ROBO1: variants seen among roughly 807,000 people sequenced by gnomAD.
ROBO1 encodes the protein roundabout guidance receptor 1.
In ROBO1, 149 loss-of-function variants were observed where a neutral mutation model predicts 195.9. The ratio of observed to expected loss-of-function variants is 0.76; its 90% CI spans 0.67 to 0.87. The LOEUF is 0.87. Ranked by LOEUF, ROBO1 falls within the 40% of genes least tolerant of loss-of-function variation. The pLI is 0.00. For synonymous variants in ROBO1, 816 were observed against 733.2 expected, an observed-to-expected ratio of 1.11 and a Z score of -1.82; for missense variants, 1,933 against 2,068.3, an observed-to-expected ratio of 0.93 and a Z score of 1.27.
chr3:79,645,863 C>T (rs1945806866), intron 1 of ROBO1, among the ~76,000 whole-genome samples: 1 of 152,006 alleles, frequency 6.6e-6, no homozygotes, highest in African/African-American at 2.4e-5. Context: ...CAAGAACATA[C>T]AATGTATAAC....
chr3:79,177,461 C>T (rs1019551494), intron 2 of ROBO1, among the ~76,000 whole-genome samples: 1 of 152,148 alleles, frequency 6.6e-6, no homozygotes, highest in Non-Finnish European at 1.5e-5. Flanking sequence ...TGGGCGGACC[C>T]TCCTACCCCA....
intron 3 of ROBO1, chr3:79,018,687 C>A: frequency 1.5e-6 from 2 of 1,358,738 alleles, no homozygotes; most frequent in Non-Finnish European, 1.9e-6. Flanking sequence ...TTCTCCGGCC[C>A]CAGGATTTCC....
chr3:78,885,940 T>TATATATATATATATATATATATATAC (rs1043908565), intron 4 of ROBO1, among the ~76,000 whole-genome samples: 1 of 140,808 alleles, frequency 7.1e-6, no homozygotes, highest in Non-Finnish European at 1.5e-5. Flanking sequence ...TATATATATA[T>TATATATATATATATATATATATATAC]ACATACATAT....
chr3:79,540,296 T>G (rs902159869), intron 2 of ROBO1, among the ~76,000 whole-genome samples: 16 of 152,116 alleles, frequency 1.1e-4, no homozygotes, highest in African/African-American at 3.9e-4. Flanking sequence ...TCACCAATTA[T>G]GAGTTCAAAA....
At chr3:78,688,927 A>C (rs2081110501) in intron 8 of ROBO1, 155 bp from the exon 9 acceptor site, 1 of 745,722 alleles carries the variant, frequency 1.3e-6, no homozygotes, top group Non-Finnish European at 1.9e-6. Context: ...ATTTGAAACT[A>C]AAATGTTAAG....
intron 3 of ROBO1, among the ~76,000 whole-genome samples, chr3:79,045,714 C>T (rs2078578204): frequency 6.6e-6 from 1 of 151,984 alleles, no homozygotes; most frequent in South Asian, 2.1e-4. Flanking sequence ...AACAAACCAA[C>T]AATTTTATAT....
chr3:79,107,612 T>A (rs576986241), intron 3 of ROBO1, among the ~76,000 whole-genome samples: 1 of 151,824 alleles, frequency 6.6e-6, no homozygotes, highest in African/African-American at 2.4e-5. Context: ...CATATTAAAA[T>A]GTTGGGTGTT....
intron 1 of ROBO1, among the ~76,000 whole-genome samples, chr3:79,695,624 T>A (rs563738863): frequency 6.6e-6 from 1 of 151,410 alleles, no homozygotes; most frequent in South Asian, 2.1e-4. Flanking sequence ...AAAACTCCAG[T>A]GACCTAAAAA....
chr3:79,216,404 T>C (rs998692136), intron 2 of ROBO1, among the ~76,000 whole-genome samples: 10 of 152,204 alleles, frequency 6.6e-5, no homozygotes, highest in African/African-American at 2.4e-4. Flanking sequence ...ATTCTTGGAT[T>C]TTCATAAAAA....
At chr3:79,643,385 A>G (rs1053684571) in intron 1 of ROBO1, among the ~76,000 whole-genome samples, 1 of 152,144 alleles carries the variant, frequency 6.6e-6, no homozygotes, top group Non-Finnish European at 1.5e-5. Context: ...GTGTGAGTCA[A>G]TACTCCTTAA....
chr3:78,873,885 T>G (rs1355213461), intron 4 of ROBO1, among the ~76,000 whole-genome samples: 1 of 152,102 alleles, frequency 6.6e-6, no homozygotes, highest in Non-Finnish European at 1.5e-5. Context: ...GTTACTTTCA[T>G]TTCAGTTTTA....
At chr3:79,623,015 C>T (rs187845904) in intron 1 of ROBO1, among the ~76,000 whole-genome samples, 50 of 152,160 alleles carry the variant, frequency 3.3e-4, no homozygotes, top group East Asian at 1.2e-3. Context: ...TCTCCAGGTG[C>T]AAGAGCGAAT....
intron 8 of ROBO1, among the ~76,000 whole-genome samples, chr3:78,701,806 G>A (rs2081427479): frequency 1.3e-5 from 2 of 152,040 alleles, no homozygotes; most frequent in South Asian, 4.1e-4. Flanking sequence ...ATGTCCTAAA[G>A]CTAACTTTAA....
intron 4 of ROBO1, among the ~76,000 whole-genome samples, chr3:78,832,706 GA>G (rs2032339521): frequency 6.6e-6 from 1 of 152,124 alleles, no homozygotes; most frequent in Non-Finnish European, 1.5e-5. Context: ...GATATCTAAC[GA>G]GGTTAGGCAG....
At chr3:79,363,092 G>C (rs891115874) in intron 2 of ROBO1, among the ~76,000 whole-genome samples, 1 of 152,160 alleles carries the variant, frequency 6.6e-6, no homozygotes, top group African/African-American at 2.4e-5. Flanking sequence ...CAGAAAAAGA[G>C]AGAGCCACTC....
intron 3 of ROBO1, among the ~76,000 whole-genome samples, chr3:79,057,915 T>A (rs1169299357): frequency 6.6e-6 from 1 of 152,050 alleles, no homozygotes; most frequent in Non-Finnish European, 1.5e-5. Flanking sequence ...TTAATGTTAC[T>A]ATGGGTTACA....
At chr3:79,105,015 A>T (rs2079751700) in intron 3 of ROBO1, among the ~76,000 whole-genome samples, 1 of 151,758 alleles carries the variant, frequency 6.6e-6, no homozygotes, top group African/African-American at 2.4e-5. Flanking sequence ...ACACATAAAA[A>T]GTAGCTTAAG....
chr3:79,590,585 C>T (rs1943967195), intron 1 of ROBO1, among the ~76,000 whole-genome samples: 1 of 151,534 alleles, frequency 6.6e-6, no homozygotes, highest in Non-Finnish European at 1.5e-5. Flanking sequence ...AATGACAGCA[C>T]AAAGCTACAA....
chr3:78,627,415 C>G lies in ROBO1; in HGVS notation c.3781G>C (p.Ala1261Pro). 1 of 1,612,798 alleles carries G rather than the reference C, an allele frequency of 6.2e-7. No homozygotes were observed. The highest frequency in any genetic ancestry group is 8.5e-7 in the Non-Finnish European group (1 of 1,179,430). ...TCCTGTGGGGAGGGAGTCAGAGTGG[C>G]AGTGGACTGATGGCTATAGGACACG... ...AAVSYSHQST[A>P]TLTPSPQEEL... Residue 1261 changes from alanine (A) to proline (P), a missense_variant, in exon 26 of 31, where the codon GCC becomes CCC. Physicochemically the swap from Ala to Pro is conservative, Grantham distance 27. Transcript: ENST00000464233.
Sources: gnomAD v4.1 joint callset for allele counts (sites outside exome capture counted in the v4.1 genomes callset) on GRCh38, gnomAD v4.1.1 for gene constraint, MANE v1.5 for transcripts, NCBI Gene and HGNC (gene_info 2026-07-23, HGNC 2026-07-21) for gene names.